Variants in GATA4 observed in about 807,000 individuals in gnomAD.
The protein encoded by GATA4 is transcription factor GATA-4.
In GATA4, 7 loss-of-function variants were observed where a neutral mutation model predicts 37.9. The observed-to-expected ratio is 0.18, with a 90% CI of 0.11 to 0.35. The LOEUF (loss-of-function observed/expected upper bound fraction) is 0.35. Ranked by LOEUF, GATA4 falls within the 10% of genes least tolerant of loss-of-function variation. The pLI, the probability that GATA4 is intolerant of heterozygous loss-of-function variation, is 1.00. For synonymous variants in GATA4, 372 were observed against 292.6 expected (o/e 1.27, Z -2.77); for missense variants, 647 against 653.0 (o/e 0.99, Z 0.10).
chr8:11,720,597 C>T (rs1404295014), intron 2 of GATA4, among the ~76,000 whole-genome samples: 1 of 152,168 alleles, frequency 6.6e-6, no homozygotes, highest in Non-Finnish European at 1.5e-5. Flanking sequence ...CGTCTCCCTC[C>T]TCCCACCCTC....
intron 2 of GATA4, among the ~76,000 whole-genome samples, chr8:11,731,949 T>G (rs1342052572): frequency 6.6e-6 from 1 of 152,206 alleles, no homozygotes; most frequent in African/African-American, 2.4e-5. Flanking sequence ...AGTGTTTCTC[T>G]TTGCCCAAGC....
At chr8:11,690,404 T>G (rs544131597), upstream of GATA4, among the ~76,000 whole-genome samples, 374 of 152,284 alleles carry the variant, frequency 2.5e-3, 1 homozygote, top group Middle Eastern at 6.8e-3. Context: ...ATGTCAAATA[T>G]AAGATTTCTG....
At chr8:11,727,562 C>T (rs977642317) in intron 2 of GATA4, among the ~76,000 whole-genome samples, 2 of 152,110 alleles carry the variant, frequency 1.3e-5, no homozygotes, top group African/African-American at 4.8e-5. Flanking sequence ...TTCCTGCTAG[C>T]CTGGGTGCGG....
At chr8:11,755,197 C>A in intron 5 of GATA4, 64 bp downstream of exon 5, 1 of 1,365,762 alleles carries the variant, frequency 7.3e-7, no homozygotes, top group Non-Finnish European at 1.0e-6. Flanking sequence ...GCCTAAGAAT[C>A]ATATCTTCCG....
intron 2 of GATA4, among the ~76,000 whole-genome samples, chr8:11,720,439 C>T (rs1800621386): frequency 6.6e-6 from 1 of 152,016 alleles, no homozygotes; most frequent in Non-Finnish European, 1.5e-5. Context: ...TTGATGGACT[C>T]ATCTTTTCTT....
rs55980825 is a variant in GATA4, at chr8:11,750,149, C to T, written c.825C>T (p.Cys275=). Residue 275 remains cysteine (C), a synonymous_variant, in exon 4 of 7, where the codon TGC becomes TGT. Transcript: ENST00000532059. ...GAGTGGGCCTCTCCTGTGCCAACTG[C>T]CAGACCACCACCACCACGCTGTGGC... ...SRRVGLSCAN[C]QTTTTTLWRR... is the part of the protein sequence containing the mutation. 4.0e-3 allele frequency: 6,411 copies of T among 1,614,006 alleles called. 14 individuals are homozygous for T. The highest frequency in any genetic ancestry group is 4.9e-3 in the Non-Finnish European group (5,813 of 1,180,052).
intron 2 of GATA4, among the ~76,000 whole-genome samples, chr8:11,724,301 C>T (rs1800813598): frequency 6.6e-6 from 1 of 152,164 alleles, no homozygotes; most frequent in Non-Finnish European, 1.5e-5. Context: ...CTATTCACCT[C>T]CCTGCTTTTA....
chr8:11,757,402 G>A lies in GATA4; in HGVS notation c.1149+319G>A, dbSNP rs150089379. ...ACAAAGAGAGGGGAGTCCAGGGCTG[G>A]CATACAGCATGGGTGGCAGGGGCGG... On this transcript the variant is annotated intron_variant, in intron 6 of 6. Coordinates refer to ENST00000532059, the MANE Select transcript of GATA4 (RefSeq NM_001308093.3). 5.9e-3 allele frequency among the ~76,000 whole-genome samples: 893 copies of A among 152,356 alleles called. No individual in the cohort carries two copies. Among genetic ancestry groups the A allele is most frequent in the Non-Finnish European group, 0.01 (706 of 68,032 alleles).
rs147074501 is a variant in GATA4, at chr8:11,744,602, T to C, written c.617-4314T>C. On this transcript the variant is annotated intron_variant, in intron 2 of 6. Coordinates refer to ENST00000532059, the MANE Select transcript of GATA4 (RefSeq NM_001308093.3). ...GTTTGGGACTTAGTTAGTGCTGTGTTTGTGATTTAACATTGTAGGGCCAAC... is the reference window on the plus strand; with the variant it reads ...GTTTGGGACTTAGTTAGTGCTGTGTCTGTGATTTAACATTGTAGGGCCAAC... Among the ~76,000 whole-genome samples the C allele has an allele frequency of 3.9e-3, 587 of 152,342 alleles. 2 individuals carry two copies. The highest frequency in any genetic ancestry group is 0.013 in the African/African-American group (545 of 41,570).
intron 2 of GATA4, among the ~76,000 whole-genome samples, chr8:11,743,249 G>T (rs1801847297): frequency 6.6e-6 from 1 of 152,252 alleles, no homozygotes. Context: ...TTTGGGCAAG[G>T]AGTTAGCATG....
chr8:11,715,294 A>G (rs896797562), intron 2 of GATA4, among the ~76,000 whole-genome samples: 1 of 152,218 alleles, frequency 6.6e-6, no homozygotes. Flanking sequence ...GTGAGGGATA[A>G]TGGTAGAAAA....
intron 2 of GATA4, among the ~76,000 whole-genome samples, chr8:11,722,019 A>G (rs996521146): frequency 5.9e-5 from 9 of 152,142 alleles, no homozygotes; most frequent in Non-Finnish European, 1.0e-4. Context: ...AATAGGTTAA[A>G]AAACATTTTT....
intron 4 of GATA4, among the ~76,000 whole-genome samples, chr8:11,753,583 A>C (rs1802407225): frequency 2.0e-5 from 3 of 150,452 alleles, no homozygotes. Context: ...CATTTGAGGC[A>C]TAGCTAGGGG....
intron 2 of GATA4, among the ~76,000 whole-genome samples, chr8:11,712,536 A>T (rs974234690): frequency 1.3e-5 from 2 of 151,734 alleles, no homozygotes; most frequent in Non-Finnish European, 2.9e-5. Flanking sequence ...AGAAATATTG[A>T]CCATTTTATA....
intron 2 of GATA4, among the ~76,000 whole-genome samples, chr8:11,732,193 T>C (rs1345890333): frequency 6.6e-6 from 1 of 152,254 alleles, no homozygotes; most frequent in Non-Finnish European, 1.5e-5. Context: ...ATTAAAGCTA[T>C]TAACCATGTG....
At chr8:11,678,037 AATAATAATAATAATAATAAT>A (rs1196549822) in intron 1 of GATA4, among the ~76,000 whole-genome samples, 3 of 148,784 alleles carry the variant, frequency 2.0e-5, no homozygotes, top group African/African-American at 7.3e-5. Context: ...TAATAATAAT[AATAATAATAATAATAATAAT>A]AAATAGGAGT....
intron 2 of GATA4, among the ~76,000 whole-genome samples, chr8:11,714,351 G>A (rs897915614): frequency 6.6e-6 from 1 of 152,194 alleles, no homozygotes; most frequent in Non-Finnish European, 1.5e-5. Context: ...CATTCAAGGT[G>A]TTCTCAGAGT....
chr8:11,743,716 C>G (rs927047589), intron 2 of GATA4, among the ~76,000 whole-genome samples: 2 of 152,214 alleles, frequency 1.3e-5, no homozygotes, highest in Non-Finnish European at 2.9e-5. Context: ...GTGTCTTTGC[C>G]TCTGGCTGCG....
intron 1 of GATA4, chr8:11,681,039 T>G: frequency 1.1e-6 from 1 of 936,922 alleles, no homozygotes; most frequent in Non-Finnish European, 1.3e-6. Flanking sequence ...AAAGCACAGA[T>G]CTAATGCCTT....
Sources: gnomAD v4.1 joint callset for allele counts (sites outside exome capture counted in the v4.1 genomes callset) on GRCh38, gnomAD v4.1.1 for gene constraint, MANE v1.5 for transcripts, NCBI Gene and HGNC (gene_info 2026-07-23, HGNC 2026-07-21) for gene names.